The following PDSS2 variants were observed in gnomAD, a reference collection of about 807,000 sequenced individuals.
PDSS2 encodes the protein decaprenyl diphosphate synthase subunit 2.
Under a neutral mutation model 44.5 loss-of-function variants are expected in PDSS2, and 31 were observed. The ratio of observed to expected loss-of-function variants is 0.70; its 90% CI spans 0.52 to 0.94. The LOEUF is 0.94. Ranked by LOEUF, PDSS2 falls within the 40% of genes least tolerant of loss-of-function variation. The pLI is 0.00. For missense variants in PDSS2, 452 were observed against 482.2 expected, an observed-to-expected ratio of 0.94 and a Z score of 0.59; for synonymous variants, 157 against 180.3, an observed-to-expected ratio of 0.87 and a Z score of 1.03.
intron 1 of PDSS2, among the ~76,000 whole-genome samples, chr6:107,418,022 C>T (rs1261912277): frequency 1.3e-5 from 2 of 151,900 alleles, no homozygotes; most frequent in South Asian, 2.1e-4. Context: ...TAAAAATATG[C>T]ATATTAAAAA....
chr6:107,420,284 G>T (rs1780783714), intron 1 of PDSS2, among the ~76,000 whole-genome samples: 1 of 152,128 alleles, frequency 6.6e-6, no homozygotes, highest in Admixed American at 6.5e-5. Flanking sequence ...TCTAGCCTCA[G>T]CCAGAACCAG....
At chr6:107,373,796 T>C (rs2114403749) in intron 1 of PDSS2, among the ~76,000 whole-genome samples, 1 of 152,290 alleles carries the variant, frequency 6.6e-6, no homozygotes, top group African/African-American at 2.4e-5. Flanking sequence ...TCTCCTGCTT[T>C]TTCTCACTCT....
chr6:107,359,164 T>C (rs7758311), intron 1 of PDSS2, among the ~76,000 whole-genome samples: 147,331 of 151,588 alleles, frequency 0.97, 71,744 homozygotes, highest in East Asian at 1. Context: ...GTGCACGCCA[T>C]CACGCCCAGC....
intron 4 of PDSS2, among the ~76,000 whole-genome samples, chr6:107,214,696 C>G (rs752483015): frequency 6.6e-6 from 1 of 152,102 alleles, no homozygotes; most frequent in Non-Finnish European, 1.5e-5. Flanking sequence ...AAGTGGTCAC[C>G]AAAAGGTCAG....
chr6:107,429,901 A>AAATAT (rs1166637352), intron 1 of PDSS2, among the ~76,000 whole-genome samples: 1 of 31,858 alleles, frequency 3.1e-5, no homozygotes, highest in African/African-American at 1.3e-4. Flanking sequence ...AAAAAAAAAA[A>AAATAT]ATATATATAT....
At chr6:107,421,840 G>A (rs1314280009) in intron 1 of PDSS2, among the ~76,000 whole-genome samples, 2 of 104,850 alleles carry the variant, frequency 1.9e-5, no homozygotes, top group African/African-American at 3.2e-5. Context: ...ACACACAAAC[G>A]AATGCATGTA....
chr6:107,371,725 T>C (rs1779133203), intron 1 of PDSS2, among the ~76,000 whole-genome samples: 2 of 152,302 alleles, frequency 1.3e-5, no homozygotes, highest in South Asian at 2.1e-4. Context: ...TCTTAAAGCA[T>C]TGTCGAGTCT....
Position 107,245,647 on chromosome 6 carries a change from A to T in PDSS2, c.631-28T>A, listed in dbSNP as rs570570218. The T allele has an allele frequency of 4.1e-4, 562 of 1,374,728 alleles. 7 individuals carry two copies. In the Middle Eastern group the frequency reaches 0.01, roughly 26 times the overall value. 85.2% of individuals were successfully genotyped at this position (1,374,728 alleles called of 1,614,324 possible). ...AAAAAGCAAGAAGAAAAATAAAAAT[A>T]AAAAAATTTAAATATATCTCTATTG... On this transcript the variant is annotated intron_variant, in intron 3 of 7. Coordinates refer to ENST00000369037, the MANE Select transcript of PDSS2 (RefSeq NM_020381.4).
chr6:107,426,575 C>T (rs994078338), intron 1 of PDSS2, among the ~76,000 whole-genome samples: 2 of 152,126 alleles, frequency 1.3e-5, no homozygotes, highest in African/African-American at 2.4e-5. Context: ...CAGCTTGTAC[C>T]GTGTGCCCAG....
At chr6:107,419,231 T>C (rs536841199) in intron 1 of PDSS2, among the ~76,000 whole-genome samples, 41 of 152,226 alleles carry the variant, frequency 2.7e-4, no homozygotes, top group Middle Eastern at 3.4e-3. Context: ...TGGATATCAA[T>C]CTAAAACCAC....
rs367772916 is a variant in PDSS2 at position 107,319,409 on chromosome 6, C to T, written c.431+14789G>A. On this transcript the variant is annotated intron_variant, in intron 2 of 7. Coordinates refer to ENST00000369037, the MANE Select transcript of PDSS2 (RefSeq NM_020381.4). ...AAAACCAGCTTTTGCTACGTTCCCACGCAAATAGAGGTCATGATCTGGGGT... is the reference window on the plus strand; with the variant it reads ...AAAACCAGCTTTTGCTACGTTCCCATGCAAATAGAGGTCATGATCTGGGGT... Among the ~76,000 whole-genome samples, 3 of 152,210 alleles carry T rather than the reference C, an allele frequency of 2.0e-5. No individual in the cohort carries two copies. In the East Asian group the frequency reaches 5.8e-4, roughly 29 times the overall value.
At chr6:107,273,705 A>G (rs1246564818) in intron 3 of PDSS2, among the ~76,000 whole-genome samples, 2 of 152,238 alleles carry the variant, frequency 1.3e-5, no homozygotes, top group Non-Finnish European at 2.9e-5. Flanking sequence ...ACATCAAGAT[A>G]TTAACCAGCA....
At chr6:107,308,992 G>A (rs1776949111) in intron 2 of PDSS2, among the ~76,000 whole-genome samples, 1 of 152,162 alleles carries the variant, frequency 6.6e-6, no homozygotes, top group Non-Finnish European at 1.5e-5. Context: ...TACAGAAAAG[G>A]AGAAAAGTCC....
At chr6:107,301,882 C>A (rs546208674) in intron 2 of PDSS2, among the ~76,000 whole-genome samples, 7 of 142,916 alleles carry the variant, frequency 4.9e-5, no homozygotes, top group Middle Eastern at 7.9e-3. Context: ...CGAGATCACG[C>A]CACTGCACTC....
intron 6 of PDSS2, among the ~76,000 whole-genome samples, chr6:107,195,932 A>G (rs1215848240): frequency 6.6e-6 from 1 of 152,174 alleles, no homozygotes. Context: ...ACCACCACAA[A>G]CCACTCTAAA....
chr6:107,167,201 T>C (rs1771382579), intron 7 of PDSS2, among the ~76,000 whole-genome samples: 2 of 152,152 alleles, frequency 1.3e-5, no homozygotes, highest in African/African-American at 4.8e-5. Flanking sequence ...CCTGGTTTAG[T>C]CTTGGGAGGG....
At chr6:107,258,791 A>C (rs1301678270) in intron 3 of PDSS2, among the ~76,000 whole-genome samples, 1 of 151,640 alleles carries the variant, frequency 6.6e-6, no homozygotes, top group Admixed American at 6.6e-5. Flanking sequence ...CAACAGTGAG[A>C]CTCCGTCTCA....
chr6:107,200,507 CTT>C, intron 6 of PDSS2, among the ~76,000 whole-genome samples: 1 of 152,204 alleles, frequency 6.6e-6, no homozygotes, highest in Admixed American at 6.5e-5. Flanking sequence ...TGTCTAATGT[CTT>C]TTTTAATTTG....
intron 7 of PDSS2, among the ~76,000 whole-genome samples, chr6:107,165,458 A>G (rs1173515856): frequency 1.3e-5 from 2 of 152,170 alleles, no homozygotes; most frequent in Non-Finnish European, 1.5e-5. Flanking sequence ...CAGGTTTGTC[A>G]AAGATCAGAT....
Sources: allele counts gnomAD v4.1 joint callset (sites outside exome capture counted in the v4.1 genomes callset), GRCh38; gene constraint gnomAD v4.1.1; transcripts MANE v1.5; gene names NCBI Gene and HGNC (gene_info 2026-07-23, HGNC 2026-07-21).